Variants in FRMD4B observed in about 807,000 individuals in gnomAD.
FRMD4B encodes the protein FERM domain containing 4B, also known as FERM domain-containing protein 4B.
A neutral mutation model predicts 141.5 loss-of-function variants in FRMD4B; 74 were observed. The observed-to-expected ratio is 0.52, with a 90% confidence interval of 0.43 to 0.63. The LOEUF (loss-of-function observed/expected upper bound fraction) is 0.63. FRMD4B is among the 30% of genes least tolerant of loss of function. The pLI is 0.00. For missense variants in FRMD4B, 1,366 were observed against 1,253.4 expected (o/e 1.09, Z -1.36); for synonymous variants, 506 against 467.9 (o/e 1.08, Z -1.05).
rs573810365 is a variant in FRMD4B at position 69,401,957 on chromosome 3, A to G, written c.-1+30677T>C. On this transcript the variant is annotated intron_variant, in intron 2 of 5. Coordinates refer to the FRMD4B transcript ENST00000459638. ...AAACTTTTAGTTTAGTAAAAATAAAATGTTTTTCATAATAAATGATTAAAT... is the reference window on the plus strand; with the variant it reads ...AAACTTTTAGTTTAGTAAAAATAAAGTGTTTTTCATAATAAATGATTAAAT... Among the ~76,000 whole-genome samples, 5 of 152,354 alleles carry G rather than the reference A, an allele frequency of 3.3e-5. No individual in the cohort carries two copies. In the East Asian group the frequency reaches 9.6e-4, roughly 29 times the overall value.
intron 11 of FRMD4B, among the ~76,000 whole-genome samples, chr3:69,211,488 T>C (rs1261274971): frequency 6.6e-6 from 1 of 152,142 alleles, no homozygotes; most frequent in Admixed American, 6.5e-5. Flanking sequence ...GTCAAACAAA[T>C]ACCTCCCTGC....
intron 1 of FRMD4B, among the ~76,000 whole-genome samples, chr3:69,510,696 A>C (rs144164305): frequency 6.0e-4 from 91 of 152,320 alleles, no homozygotes; most frequent in Middle Eastern, 6.8e-3. Flanking sequence ...GCTCACACTT[A>C]CTAATACTAC....
intron 1 of FRMD4B, among the ~76,000 whole-genome samples, chr3:69,468,755 T>C (rs1392713121): frequency 1.3e-5 from 2 of 152,188 alleles, no homozygotes; most frequent in African/African-American, 4.8e-5. Flanking sequence ...GGAATGAAGC[T>C]GAGACCTTAA....
intron 2 of FRMD4B, among the ~76,000 whole-genome samples, chr3:69,398,590 T>C (rs1240290480): frequency 1.3e-5 from 2 of 152,228 alleles, no homozygotes; most frequent in Non-Finnish European, 2.9e-5. Context: ...CAATGAAATG[T>C]AAGCCTCCCT....
chr3:69,464,257 A>G (rs921369728), intron 1 of FRMD4B, among the ~76,000 whole-genome samples: 8 of 152,170 alleles, frequency 5.3e-5, no homozygotes. Context: ...CCTGTCAGAA[A>G]TGGGAAGGGT....
chr3:69,498,490 A>T (rs1706439103), intron 1 of FRMD4B, among the ~76,000 whole-genome samples: 1 of 152,186 alleles, frequency 6.6e-6, no homozygotes, highest in Non-Finnish European at 1.5e-5. Context: ...AGAATATGAG[A>T]ATAGTTGTGC....
intron 22 of FRMD4B, among the ~76,000 whole-genome samples, chr3:69,175,831 A>C (rs547178654): frequency 3.1e-5 from 4 of 130,542 alleles, no homozygotes; most frequent in Non-Finnish European, 6.1e-5. Flanking sequence ...CCCAGGCTGG[A>C]GTGCAGTGGC....
At chr3:69,236,522 C>A (rs1419092509) in intron 7 of FRMD4B, among the ~76,000 whole-genome samples, 3 of 152,188 alleles carry the variant, frequency 2.0e-5, no homozygotes, top group Non-Finnish European at 4.4e-5. Flanking sequence ...AGCCACCGTG[C>A]CCGGCCCCAA....
At chr3:69,273,346 CTA>C (rs2093603855) in intron 5 of FRMD4B, among the ~76,000 whole-genome samples, 1 of 152,208 alleles carries the variant, frequency 6.6e-6, no homozygotes, top group Non-Finnish European at 1.5e-5. Context: ...AGTGATTCTC[CTA>C]TGTCTCCAAA....
chr3:69,342,059 G>A lies in FRMD4B; in HGVS notation c.163-28542C>T, dbSNP rs147875467. On this transcript the variant is annotated intron_variant, in intron 1 of 22. Transcript: ENST00000398540. The stretch of plus-strand genomic sequence containing the variant: ...AGTTCTTAAGCTGTGACCTCTCACA[G>A]GTCTACTAATGACATTAGAGAAGCT... 4.2e-3 allele frequency among the ~76,000 whole-genome samples: 642 copies of A among 152,264 alleles called. 4 individuals are homozygous for A. The highest frequency in any genetic ancestry group is 0.014 in the African/African-American group (575 of 41,550).
chr3:69,398,995 T>C (rs973142837), intron 2 of FRMD4B, among the ~76,000 whole-genome samples: 2 of 152,094 alleles, frequency 1.3e-5, no homozygotes, highest in African/African-American at 4.8e-5. Flanking sequence ...AGAATTCTAG[T>C]ATTTCTACAG....
At chr3:69,513,041 C>A (rs904424) in intron 1 of FRMD4B, among the ~76,000 whole-genome samples, 6,659 of 150,694 alleles carry the variant, frequency 0.044, 471 homozygotes, top group African/African-American at 0.16. Context: ...CAAAGCTAAC[C>A]AAAGGAAGGA....
intron 2 of FRMD4B, among the ~76,000 whole-genome samples, chr3:69,412,270 C>T (rs1017981029): frequency 1.6e-4 from 24 of 152,108 alleles, no homozygotes; most frequent in African/African-American, 3.1e-4. Flanking sequence ...ATTCAATAGA[C>T]CTTTTGAATT....
intron 1 of FRMD4B, among the ~76,000 whole-genome samples, chr3:69,480,918 G>A (rs185954635): frequency 0.025 from 3,734 of 152,254 alleles, 166 homozygotes; most frequent in African/African-American, 0.085. Context: ...GCAATGGCGG[G>A]CGCCCCTCCC....
In FRMD4B at chr3:69,377,339, A is replaced by G. The variant is rs1243296782; in HGVS notation, c.162+8489T>C. The stretch of plus-strand genomic sequence containing the variant: ...GAGTCTGTTGTGGTCCAATCCCTTG[A>G]AAAAAGTGTAGCAAGCAGTCAGGAG... On this transcript the variant is annotated intron_variant, in intron 1 of 22. Transcript: ENST00000398540. Among the ~76,000 whole-genome samples, 4 of 152,114 alleles carry G rather than the reference A, an allele frequency of 2.6e-5. No homozygotes were observed. The East Asian group carries it at 5.8e-4, about 22-fold the overall frequency.
intron 7 of FRMD4B, among the ~76,000 whole-genome samples, chr3:69,243,481 A>G (rs62254488): frequency 0.028 from 4,231 of 152,292 alleles, 78 homozygotes; most frequent in Non-Finnish European, 0.044. Flanking sequence ...ATGGCCTTGA[A>G]TGCCAGGTTG....
intron 1 of FRMD4B, among the ~76,000 whole-genome samples, chr3:69,476,696 T>A (rs1559539438): frequency 6.6e-6 from 1 of 151,752 alleles, no homozygotes; most frequent in Non-Finnish European, 1.5e-5. Flanking sequence ...GGCTCTTTTT[T>A]GGTTCCATAT....
At position 69,415,217 on chromosome 3, in the gene FRMD4B, G is replaced by A. The variant is rs183954712; in HGVS notation, c.-1+17417C>T. On this transcript the variant is annotated intron_variant, in intron 2 of 5. Transcript: ENST00000459638. Reference sequence around the variant, plus strand: ...ACTGCCCAGTGAAAAGAAAGAAATAGTCAACATCTATATTTTGTGAACAGG... The same window carrying A: ...ACTGCCCAGTGAAAAGAAAGAAATAATCAACATCTATATTTTGTGAACAGG... 3.0e-4 allele frequency among the ~76,000 whole-genome samples: 45 copies of A among 152,246 alleles called. No individual in the cohort carries two copies. In the East Asian group the frequency reaches 8.1e-3, roughly 27 times the overall value.
At chr3:69,526,048 T>C (rs947577881) in intron 1 of FRMD4B, among the ~76,000 whole-genome samples, 1 of 152,180 alleles carries the variant, frequency 6.6e-6, no homozygotes, top group Non-Finnish European at 1.5e-5. Flanking sequence ...AGTGGCTTGC[T>C]TCCAACTGCC....
Sources: gnomAD v4.1 joint callset for allele counts (sites outside exome capture counted in the v4.1 genomes callset) on GRCh38, gnomAD v4.1.1 for gene constraint, MANE v1.5 for transcripts, NCBI Gene and HGNC (gene_info 2026-07-23, HGNC 2026-07-21) for gene names.